Variants in RYR3 observed in about 807,000 individuals in gnomAD.
RYR3 encodes ryanodine receptor 3.
RYR3 carries 207 observed loss-of-function variants against 584.3 expected under a neutral mutation model. The ratio of observed to expected loss-of-function variants is 0.35; its 90% confidence interval spans 0.32 to 0.40. The LOEUF (loss-of-function observed/expected upper bound fraction) is 0.40, where lower values mean the gene tolerates loss of function less well. Ranked by LOEUF, RYR3 falls within the 10% of genes least tolerant of loss-of-function variation. The pLI is 1.00. For synonymous variants in RYR3, 2,416 were observed against 2,248.5 expected (o/e 1.07, Z -2.11); for missense variants, 5,616 against 6,089.2 (o/e 0.92, Z 2.59).
At chr15:33,354,971 G>C (rs1381573469) in intron 1 of RYR3, among the ~76,000 whole-genome samples, 1 of 152,070 alleles carries the variant, frequency 6.6e-6, no homozygotes, top group Non-Finnish European at 1.5e-5. Flanking sequence ...ATCACTTGAG[G>C]TCAGGAGATT....
chr15:33,677,054 C>T (rs1373045989), intron 38 of RYR3, among the ~76,000 whole-genome samples: 3 of 152,198 alleles, frequency 2.0e-5, no homozygotes, highest in African/African-American at 7.2e-5. Flanking sequence ...GTATAGTGAC[C>T]TCTAGGCTCC....
intron 16 of RYR3, among the ~76,000 whole-genome samples, 156 bp downstream of exon 16, chr15:33,586,272 C>T (rs958252534): frequency 1.2e-4 from 18 of 152,214 alleles, no homozygotes; most frequent in African/African-American, 3.9e-4. Flanking sequence ...CATACAAGCA[C>T]TCTCCAAGCT....
intron 103 of RYR3, 136 bp downstream of exon 103, chr15:33,864,325 G>A (rs1445532810): frequency 6.0e-6 from 4 of 665,990 alleles, no homozygotes; most frequent in Non-Finnish European, 1.0e-5. Flanking sequence ...ACCTTTTTGT[G>A]ACTCAATAAG....
intron 76 of RYR3, 108 bp from the exon 77 acceptor site, chr15:33,819,648 T>A: frequency 1.5e-6 from 1 of 686,928 alleles, no homozygotes. Context: ...CACTCCAGCC[T>A]AGGGGACAAG....
At chr15:33,695,158 T>C (rs926284408) in intron 38 of RYR3, among the ~76,000 whole-genome samples, 1 of 152,174 alleles carries the variant, frequency 6.6e-6, no homozygotes, top group Non-Finnish European at 1.5e-5. Context: ...ATCCATACCT[T>C]GTAGGACTGT....
chr15:33,689,201 A>G (rs986393669), intron 38 of RYR3, among the ~76,000 whole-genome samples: 1 of 87,374 alleles, frequency 1.1e-5, no homozygotes, highest in Non-Finnish European at 2.1e-5. Flanking sequence ...GGTGGGGAAC[A>G]TCACACACCG....
chr15:33,532,134 C>T (rs8039078), intron 4 of RYR3, among the ~76,000 whole-genome samples: 51,070 of 151,898 alleles, frequency 0.34, 9,195 homozygotes, highest in Admixed American at 0.47. Context: ...ATCTTCCTCT[C>T]GCAGAGAAGT....
intron 1 of RYR3, among the ~76,000 whole-genome samples, chr15:33,414,136 C>T (rs746769575): frequency 6.6e-6 from 1 of 152,136 alleles, no homozygotes; most frequent in Non-Finnish European, 1.5e-5. Flanking sequence ...TGTTAAACAA[C>T]AGAAATTAAT....
In RYR3 at chr15:33,409,642, T is replaced by A. The variant is rs191456245; in HGVS notation, c.52-63777T>A. ...TTCCATATCCAGTATTTTGTCGTTTTAAAATTTTCCCTATTGTTTGGAGTG... is the reference window on the plus strand; with the variant it reads ...TTCCATATCCAGTATTTTGTCGTTTAAAAATTTTCCCTATTGTTTGGAGTG... On this transcript the variant is annotated intron_variant, in intron 1 of 103. Transcript: ENST00000634891. 4.3e-3 allele frequency among the ~76,000 whole-genome samples: 662 copies of A among 152,312 alleles called. 6 individuals are homozygous for A. Among genetic ancestry groups the A allele is most frequent in the African/African-American group, 0.015 (630 of 41,580 alleles).
At chr15:33,794,147 A>C (rs61131760) in intron 67 of RYR3, among the ~76,000 whole-genome samples, 1 of 93,842 alleles carries the variant, frequency 1.1e-5, no homozygotes, top group African/African-American at 3.5e-5. Context: ...AATATACATA[A>C]ATATATAATA....
At chr15:33,459,188 C>T (rs1030049262) in intron 1 of RYR3, among the ~76,000 whole-genome samples, 1 of 152,236 alleles carries the variant, frequency 6.6e-6, no homozygotes, top group Non-Finnish European at 1.5e-5. Context: ...AAGTATGATG[C>T]TCACATATGG....
intron 35 of RYR3, 59 bp from the exon 36 acceptor site, chr15:33,663,478 C>A: frequency 5.5e-6 from 8 of 1,450,358 alleles, no homozygotes; most frequent in Non-Finnish European, 7.6e-6. Flanking sequence ...GTAAAATGGG[C>A]ATGCTAGCAG....
chr15:33,464,535 T>G (rs1461359180), intron 1 of RYR3, among the ~76,000 whole-genome samples: 1 of 143,964 alleles, frequency 6.9e-6, no homozygotes, highest in African/African-American at 2.6e-5. Flanking sequence ...TACATTTATA[T>G]GTATGTAAAT....
chr15:33,698,675 G>A lies in RYR3; in HGVS notation c.6249+679G>A, dbSNP rs149700502. 4.3e-3 allele frequency among the ~76,000 whole-genome samples: 653 copies of A among 152,208 alleles called. 7 individuals carry two copies. Among genetic ancestry groups the A allele is most frequent in the African/African-American group, 0.015 (629 of 41,510 alleles). On this transcript the variant is annotated intron_variant, in intron 40 of 103. Transcript: ENST00000634891. ...GGTGCAGTTTCATCAGTGCTACTGG[G>A]GAGGGGGTGGGTGTGTAGAAGGAAC...
rs1302362707 is a variant in RYR3 at position 33,865,614 on chromosome 15, C to CA, written c.*390dup. 6.2e-6 allele frequency: 1 copy of CA among 161,172 alleles called. No homozygotes were observed. Among genetic ancestry groups the CA allele is most frequent in the East Asian group, 1.6e-4 (1 of 6,088 alleles). 10.0% of individuals were successfully genotyped at this position (161,172 alleles called of 1,614,324 possible). On this transcript the variant is annotated 3_prime_UTR_variant, in exon 104 of 104. Coordinates refer to ENST00000634891, the MANE Select transcript of RYR3 (RefSeq NM_001036.6). ...AACACTTGAATGTCATCATGGTATCCAACTTGTGACTCATAGGGTCTGAAC... is the reference window on the plus strand; with the variant it reads ...AACACTTGAATGTCATCATGGTATCCAAACTTGTGACTCATAGGGTCTGAAC...
chr15:33,376,538 T>C (rs149023597), intron 1 of RYR3, among the ~76,000 whole-genome samples: 166 of 152,312 alleles, frequency 1.1e-3, no homozygotes, highest in African/African-American at 3.7e-3. Context: ...TGACTAGTCA[T>C]TGGATGAGGG....
At chr15:33,381,771 T>A (rs1030798984) in intron 1 of RYR3, among the ~76,000 whole-genome samples, 3 of 152,198 alleles carry the variant, frequency 2.0e-5, no homozygotes, top group African/African-American at 7.2e-5. Flanking sequence ...GCTCACCCAC[T>A]TCAGCCTCCT....
chr15:33,561,316 G>A (rs941721280), intron 10 of RYR3, among the ~76,000 whole-genome samples: 2 of 152,334 alleles, frequency 1.3e-5, no homozygotes, highest in African/African-American at 4.8e-5. Context: ...AAGAACAGCA[G>A]GAGAGACTAA....
rs2141229207 is a variant in RYR3 at position 33,385,172 on chromosome 15, C to T, written c.51+74076C>T. Among the ~76,000 whole-genome samples the T allele has an allele frequency of 2.0e-5, 3 of 152,250 alleles. No homozygotes were observed. In the Middle Eastern group the frequency reaches 0.01, roughly 518 times the overall value. On this transcript the variant is annotated intron_variant, in intron 1 of 103. Transcript: ENST00000634891. ...TTTTCTGGATGTATACAACATTCACCATTTCACTCACGGAAATGAGATGCT... is the reference window on the plus strand; with the variant it reads ...TTTTCTGGATGTATACAACATTCACTATTTCACTCACGGAAATGAGATGCT...
Sources: gnomAD v4.1 joint callset for allele counts (sites outside exome capture counted in the v4.1 genomes callset) on GRCh38, gnomAD v4.1.1 for gene constraint, MANE v1.5 for transcripts, NCBI Gene and HGNC (gene_info 2026-07-23, HGNC 2026-07-21) for gene names.